WDR91: variants seen among roughly 807,000 people sequenced by gnomAD.
WDR91 encodes the protein WD repeat domain 91.
A neutral mutation model predicts 88.4 loss-of-function variants in WDR91; 52 were observed. The ratio of observed to expected loss-of-function variants is 0.59; its 90% CI spans 0.47 to 0.74. The LOEUF is 0.74. Ranked by LOEUF, WDR91 falls within the 30% of genes least tolerant of loss-of-function variation. The pLI is 0.00. For synonymous variants in WDR91, 362 were observed against 389.5 expected (o/e 0.93, Z 0.83); for missense variants, 824 against 954.5 (o/e 0.86, Z 1.80).
intron 3 of WDR91, among the ~76,000 whole-genome samples, chr7:135,207,954 G>A (rs553183729): frequency 2.0e-5 from 3 of 152,320 alleles, no homozygotes; most frequent in South Asian, 4.1e-4. Flanking sequence ...AGGGAACAAC[G>A]GGGAAGAAAC....
At position 135,186,072 on chromosome 7, in the gene WDR91, C is replaced by T; in HGVS notation, c.*79G>A. 4.1e-6 allele frequency: 6 copies of T among 1,449,918 alleles called. No homozygotes were observed. The South Asian group carries it at 8.7e-5, about 21-fold the overall frequency. The allele number at this position is 1,449,918 out of a possible 1,614,324, so 89.8% of individuals were successfully genotyped here. On this transcript the variant is annotated 3_prime_UTR_variant, in exon 15 of 15. Coordinates refer to ENST00000354475, the MANE Select transcript of WDR91 (RefSeq NM_014149.4). ...GCACTGGCAGGGAGCTGGAGTGGAG[C>T]ACGTGGTTTTCCTGTCCTATATCTC...
Position 135,186,081 on chromosome 7 carries a change from TTCCTGTCCTATATC to T in WDR91, c.*56_*69del. Reference sequence around the variant, plus strand: ...GGGAGCTGGAGTGGAGCACGTGGTTTTCCTGTCCTATATCTCCTCCCCCCACCGCAGATAATACT... The same window carrying T: ...GGGAGCTGGAGTGGAGCACGTGGTTTTCCTCCCCCCACCGCAGATAATACT... On this transcript the variant is annotated 3_prime_UTR_variant, in exon 15 of 15. Coordinates refer to ENST00000354475, the MANE Select transcript of WDR91 (RefSeq NM_014149.4). 6.7e-7 allele frequency: 1 copy of T among 1,490,812 alleles called. No homozygotes were observed. The highest frequency in any genetic ancestry group is 1.4e-5 in the African/African-American group (1 of 69,394). The allele number at this position is 1,490,812 out of a possible 1,614,324, so 92.3% of individuals were successfully genotyped here. A position where few individuals can be genotyped will look rare whatever the true frequency, so the allele number is the denominator to read the frequency against.
At chr7:135,199,316 C>T (rs1831487353) in intron 6 of WDR91, 1 of 152,202 alleles carries the variant, frequency 6.6e-6, no homozygotes, top group African/African-American at 2.4e-5. Flanking sequence ...ACTTCAAGTA[C>T]TTCCGTGAAC....
chr7:135,189,771 T>C (rs1831092984), intron 11 of WDR91, among the ~76,000 whole-genome samples: 2 of 152,358 alleles, frequency 1.3e-5, no homozygotes, highest in East Asian at 3.9e-4. Flanking sequence ...CAAATTCTCA[T>C]TGAAAAGTCT....
chr7:135,209,340 A>G (rs1287054357), intron 2 of WDR91, among the ~76,000 whole-genome samples: 1 of 152,226 alleles, frequency 6.6e-6, no homozygotes, highest in Non-Finnish European at 1.5e-5. Flanking sequence ...CTTTGTTTTA[A>G]GCTTACATGC....
chr7:135,209,053 A>G, intron 2 of WDR91, 55 bp from the exon 3 acceptor site: 1 of 1,517,674 alleles, frequency 6.6e-7, no homozygotes, highest in Non-Finnish European at 9.1e-7. Context: ...ATCCAGAGGT[A>G]AGACTCTTCA....
At chr7:135,207,266 C>T in intron 3 of WDR91, 64 bp from the exon 4 acceptor site, 2 of 1,391,478 alleles carry the variant, frequency 1.4e-6, no homozygotes, top group South Asian at 2.3e-5. Flanking sequence ...AAACCCTTGA[C>T]ACACCAGTAA....
At position 135,211,435 on chromosome 7, in the gene WDR91, T is replaced by C; in HGVS notation, c.68A>G (p.His23Arg). 6.2e-7 allele frequency: 1 copy of C among 1,612,500 alleles called. No homozygotes were observed. The highest frequency in any genetic ancestry group is 8.5e-7 in the Non-Finnish European group (1 of 1,179,346). The change falls in exon 1 of 15, where the codon CAC becomes CGC. Residue 23 changes from histidine (H) to arginine (R), a missense_variant. His to Arg is a conservative substitution (Grantham distance 29, BLOSUM62 0). Coordinates refer to ENST00000354475, the MANE Select transcript of WDR91 (RefSeq NM_014149.4). ...CTCGGCGTCCAGCTGCCGCAGTGTG[T>C]GCGTGAACCCGCGGAAGAGCAGGTA... Reference protein sequence around the residue: ...REYLLFRGFTHTLRQLDAEIK... With the variant: ...REYLLFRGFTRTLRQLDAEIK...
chr7:135,200,643 C>T (rs1006742888), intron 6 of WDR91, among the ~76,000 whole-genome samples: 1 of 152,216 alleles, frequency 6.6e-6, no homozygotes, highest in Admixed American at 6.5e-5. Flanking sequence ...AAGTGCAACC[C>T]TCATAATAGT....
chr7:135,201,490 G>T (rs905928761), intron 6 of WDR91: 3 of 151,976 alleles, frequency 2.0e-5, no homozygotes, highest in African/African-American at 7.3e-5. Flanking sequence ...TGCTATGAAC[G>T]TTTCAGTAAT....
intron 1 of WDR91, among the ~76,000 whole-genome samples, chr7:135,210,273 CCAGAAGG>C (rs1831965216): frequency 6.6e-6 from 1 of 152,162 alleles, no homozygotes; most frequent in South Asian, 2.1e-4. Context: ...TCGCTTGAAC[CCAGAAGG>C]CAGAGGTTGC....
intron 1 of WDR91, chr7:135,209,966 G>T: frequency 2.4e-6 from 1 of 413,724 alleles, no homozygotes; most frequent in Non-Finnish European, 4.3e-6. Context: ...AGCAAGCACG[G>T]AAATTTCAGG....
At chr7:135,199,471 G>A (rs1186570179) in intron 6 of WDR91, 3 of 152,266 alleles carry the variant, frequency 2.0e-5, no homozygotes, top group Non-Finnish European at 4.4e-5. Context: ...GTTTCAGAGA[G>A]ATGGAGTGGG....
intron 1 of WDR91, among the ~76,000 whole-genome samples, chr7:135,211,112 G>A (rs1199028890): frequency 2.6e-5 from 4 of 152,200 alleles, no homozygotes; most frequent in Admixed American, 2.6e-4. Flanking sequence ...GGAGGCTGGA[G>A]TGGAGACAGA....
In WDR91 at chr7:135,189,393, GT is replaced by G; in HGVS notation, c.1718del (p.Asn573ThrfsTer26). ...CTGCCCCTGTGACCAGCAGGTTCCC[GT>G]TGTGATTGAAGGCTGTACAGTTGAT... The part of the protein sequence containing the change: ...IAINCTAFNH[N>X]GNLLVTGAAD... On this transcript the variant is annotated frameshift_variant, in exon 12 of 15. Coordinates refer to ENST00000354475, the MANE Select transcript of WDR91 (RefSeq NM_014149.4). LOFTEE classifies it high-confidence loss of function. 1 of 1,613,996 alleles carries G rather than the reference GT, an allele frequency of 6.2e-7. No individual in the cohort carries two copies. The highest frequency in any genetic ancestry group is 2.2e-5 in the East Asian group (1 of 44,890).
Position 135,184,702 on chromosome 7 carries a change from C to CA in WDR91, c.*1448dup, listed in dbSNP as rs1830871990. 5 of 152,490 alleles carry CA rather than the reference C, an allele frequency of 3.3e-5. No individual in the cohort carries two copies. The highest frequency in any genetic ancestry group is 3.3e-4 in the Admixed American group (5 of 15,282). 9.4% of individuals were successfully genotyped at this position (152,490 alleles called of 1,614,324 possible). On this transcript the variant is annotated 3_prime_UTR_variant, in exon 15 of 15. Transcript: ENST00000354475. ...GCCACAGTTGGGCCGGCCTGAACCC[C>CA]AGGTGCCCACCAGCAGCAACTTGGC... is the stretch of plus-strand genomic sequence containing the variant.
chr7:135,205,632 C>T (rs1831739644), intron 5 of WDR91, among the ~76,000 whole-genome samples: 1 of 152,202 alleles, frequency 6.6e-6, no homozygotes, highest in South Asian at 2.1e-4. Context: ...TGGTGGCATG[C>T]ACTTGTAATC....
At chr7:135,203,655 T>A (rs1490813303) in intron 6 of WDR91, among the ~76,000 whole-genome samples, 1 of 152,212 alleles carries the variant, frequency 6.6e-6, no homozygotes. Flanking sequence ...AACACTATTT[T>A]TATATCACCA....
intron 5 of WDR91, 121 bp downstream of exon 5, chr7:135,205,807 G>A: frequency 7.1e-7 from 1 of 1,415,120 alleles, no homozygotes; most frequent in Non-Finnish European, 9.7e-7. Flanking sequence ...GTGCCAGGAG[G>A]CTCTTCCGCA....
Sources: gnomAD v4.1 joint callset for allele counts (sites outside exome capture counted in the v4.1 genomes callset) on GRCh38, gnomAD v4.1.1 for gene constraint, MANE v1.5 for transcripts, NCBI Gene and HGNC (gene_info 2026-07-23, HGNC 2026-07-21) for gene names.